The following KDM5A variants were observed in gnomAD, a reference collection of about 807,000 sequenced individuals.
KDM5A encodes lysine demethylase 5A, also known as lysine-specific demethylase 5A.
Under a neutral mutation model 193.5 loss-of-function variants are expected in KDM5A, and 42 were observed. That is an observed-to-expected ratio of 0.22 (90% CI 0.17 to 0.28). The LOEUF is 0.28. Ranked by LOEUF, KDM5A falls within the 10% of genes least tolerant of loss-of-function variation. The pLI, the probability that KDM5A is intolerant of heterozygous loss-of-function variation, is 1.00. For missense variants in KDM5A, 1,692 were observed against 2,055.1 expected (o/e 0.82, Z 3.42); for synonymous variants, 796 against 718.1 (o/e 1.11, Z -1.73).
In KDM5A at chr12:309,817, C is replaced by CTCT. The variant is rs1220438135; in HGVS notation, c.3361_3363dup (p.Arg1121dup). On this transcript the variant is annotated inframe_insertion, in exon 22 of 28. Transcript: ENST00000399788. ...TAATTTCTTACCACCATGGCTGTAT[C>CTCT]TCTGGTTTCCTCCAATCCTTCCTCC... 1.9e-6 allele frequency: 3 copies of CTCT among 1,614,158 alleles called. No individual in the cohort carries two copies. The highest frequency in any genetic ancestry group is 2.5e-6 in the Non-Finnish European group (3 of 1,180,012).
chr12:310,248 C>T (rs1329326000), intron 21 of KDM5A, among the ~76,000 whole-genome samples: 1 of 152,166 alleles, frequency 6.6e-6, no homozygotes, highest in African/African-American at 2.4e-5. Context: ...GGATCTCATT[C>T]CAAAGCCTTT....
intron 10 of KDM5A, among the ~76,000 whole-genome samples, chr12:336,934 T>C (rs1326019282): frequency 1.3e-5 from 2 of 152,088 alleles, no homozygotes; most frequent in African/African-American, 4.8e-5. Context: ...AAAACAGTGA[T>C]CATCATGGGT....
intron 24 of KDM5A, among the ~76,000 whole-genome samples, chr12:297,405 C>A (rs1943386787): frequency 6.6e-6 from 1 of 152,132 alleles, no homozygotes; most frequent in Non-Finnish European, 1.5e-5. Context: ...CCATGAGCAA[C>A]CAGAACAGTT....
At chr12:301,525 T>C (rs1045621412) in intron 24 of KDM5A, among the ~76,000 whole-genome samples, 1 of 152,220 alleles carries the variant, frequency 6.6e-6, no homozygotes, top group Admixed American at 6.5e-5. Flanking sequence ...ATTGATGGAA[T>C]GTATCTCAAA....
chr12:358,527 C>T (rs1944253861), intron 5 of KDM5A, among the ~76,000 whole-genome samples: 1 of 152,162 alleles, frequency 6.6e-6, no homozygotes, highest in African/African-American at 2.4e-5. Flanking sequence ...TATGCCATAT[C>T]TAAGTACTTT....
At chr12:367,534 T>TA (rs1288833336) in intron 3 of KDM5A, among the ~76,000 whole-genome samples, 4 of 151,954 alleles carry the variant, frequency 2.6e-5, no homozygotes, top group Non-Finnish European at 4.4e-5. Context: ...CCATCTCTTC[T>TA]AAAAAAATAT....
At chr12:381,751 G>C (rs917357775) in intron 3 of KDM5A, among the ~76,000 whole-genome samples, 3 of 152,094 alleles carry the variant, frequency 2.0e-5, no homozygotes, top group Non-Finnish European at 4.4e-5. Context: ...TTTTTAGTAA[G>C]AGAATTTTGA....
intron 27 of KDM5A, among the ~76,000 whole-genome samples, chr12:287,136 C>T (rs1020839990): frequency 3.3e-5 from 5 of 152,162 alleles, no homozygotes; most frequent in East Asian, 1.9e-4. Flanking sequence ...CTACACAAAA[C>T]GTTCTGCACC....
At chr12:324,206 TAAG>T (rs1943756280) in intron 14 of KDM5A, among the ~76,000 whole-genome samples, 1 of 151,956 alleles carries the variant, frequency 6.6e-6, no homozygotes, top group African/African-American at 2.4e-5. Flanking sequence ...CTCAGGAGGC[TAAG>T]GAGGGAAGAT....
At position 323,210 on chromosome 12, in the gene KDM5A, C is replaced by CAAAAA. The variant is rs60377454; in HGVS notation, c.2151-9_2151-5dup. ...GTCTTCTAATGGGTAGCGATATCTACAAAAAAAAAAAAAAAAAAAAAAAAA... is the reference window on the plus strand; with the variant it reads ...GTCTTCTAATGGGTAGCGATATCTACAAAAAAAAAAAAAAAAAAAAAAAAAAAAAA... On this transcript the variant is annotated splice_region_variant and splice_polypyrimidine_tract_variant and intron_variant, in intron 15 of 27. Transcript: ENST00000399788. 2,708 of 296,808 alleles carry CAAAAA rather than the reference C, an allele frequency of 9.1e-3. 111 individuals carry two copies. Among genetic ancestry groups the CAAAAA allele is most frequent in the African/African-American group, 0.022 (324 of 14,512 alleles). The allele number at this position is 296,808 out of a possible 1,614,324, so 18.4% of individuals were successfully genotyped here.
chr12:331,078 A>C (rs1267624312), intron 13 of KDM5A, among the ~76,000 whole-genome samples: 3 of 147,860 alleles, frequency 2.0e-5, no homozygotes, highest in African/African-American at 4.9e-5. Flanking sequence ...TTTTAAAATT[A>C]AAAAAAGGAA....
intron 4 of KDM5A, among the ~76,000 whole-genome samples, chr12:364,193 C>T (rs938590924): frequency 7.9e-5 from 12 of 152,244 alleles, no homozygotes; most frequent in South Asian, 2.1e-4. Context: ...TTACACAGGC[C>T]GGGTGCGGTG....
At position 323,210 on chromosome 12, in the gene KDM5A, C is replaced by CAAAAAAAAAAAAAAAAAAAAAATAAAAA; in HGVS notation, c.2151-5_2151-4insTTTTTATTTTTTTTTTTTTTTTTTTTTT. 1 of 294,574 alleles carries CAAAAAAAAAAAAAAAAAAAAAATAAAAA rather than the reference C, an allele frequency of 3.4e-6. No homozygotes were observed. Among genetic ancestry groups the CAAAAAAAAAAAAAAAAAAAAAATAAAAA allele is most frequent in the Non-Finnish European group, 4.8e-6 (1 of 209,434 alleles). 18.2% of individuals were successfully genotyped at this position (294,574 alleles called of 1,614,324 possible). A position where few individuals can be genotyped will look rare whatever the true frequency, so the allele number is the denominator to read the frequency against. The stretch of plus-strand genomic sequence containing the variant: ...GTCTTCTAATGGGTAGCGATATCTA[C>CAAAAAAAAAAAAAAAAAAAAAATAAAAA]AAAAAAAAAAAAAAAAAAAAAAAAA... On this transcript the variant is annotated splice_region_variant and splice_polypyrimidine_tract_variant and intron_variant, in intron 15 of 27. Coordinates refer to ENST00000399788, the MANE Select transcript of KDM5A (RefSeq NM_001042603.3).
intron 26 of KDM5A, among the ~76,000 whole-genome samples, chr12:295,307 A>G (rs889657825): frequency 1.3e-5 from 2 of 151,948 alleles, no homozygotes. Context: ...AAAAGAAAGG[A>G]AAGGAGAAAA....
intron 16 of KDM5A, 48 bp downstream of exon 16, chr12:323,034 A>G (rs140378196): frequency 0.019 from 30,500 of 1,611,286 alleles, 348 homozygotes; most frequent in Non-Finnish European, 0.021. Flanking sequence ...AGCCTCTTTT[A>G]AAGTGACAAT....
chr12:309,700 T>C (rs1405131183), intron 22 of KDM5A, 103 bp downstream of exon 22: 4 of 1,216,036 alleles, frequency 3.3e-6, no homozygotes, highest in Non-Finnish European at 3.6e-6. Flanking sequence ...AGCCAAAGTA[T>C]ATGAAAATAA....
rs1358033599 is a variant in KDM5A at position 377,099 on chromosome 12, G to C, written c.366+6932C>G. 4.0e-5 allele frequency among the ~76,000 whole-genome samples: 6 copies of C among 151,874 alleles called. No homozygotes were observed. The East Asian group carries it at 1.2e-3, about 29-fold the overall frequency. ...AAATTAGGGGTGGCAATGCAGCAGA[G>C]AACAGGATTGTGAAAACCTGTATAG... On this transcript the variant is annotated intron_variant, in intron 3 of 27. Transcript: ENST00000399788.
chr12:286,513 T>C lies in KDM5A; in HGVS notation c.4867-851A>G, dbSNP rs546169703. Among the ~76,000 whole-genome samples the C allele has an allele frequency of 7.2e-5, 11 of 152,310 alleles. No individual in the cohort carries two copies. In the East Asian group the frequency reaches 1.9e-3, roughly 27 times the overall value. ...GCTAATGTCATGGCAGACAAGAACA[T>C]TTAAGATGAAAAGAGCTACTCTTCC... On this transcript the variant is annotated intron_variant, in intron 27 of 27. Transcript: ENST00000399788.
At chr12:292,179 C>T (rs1266820481) in intron 27 of KDM5A, among the ~76,000 whole-genome samples, 4 of 152,208 alleles carry the variant, frequency 2.6e-5, no homozygotes, top group African/African-American at 9.7e-5. Context: ...GCTGGGATTA[C>T]AGGCGTGAGC....
Sources: allele counts gnomAD v4.1 joint callset (sites outside exome capture counted in the v4.1 genomes callset), GRCh38; gene constraint gnomAD v4.1.1; transcripts MANE v1.5; gene names NCBI Gene and HGNC (gene_info 2026-07-23, HGNC 2026-07-21).